GNPDA2: variants seen among roughly 807,000 people sequenced by gnomAD.
The protein encoded by GNPDA2 is glucosamine-6-phosphate deaminase 2, also known as glcN6P deaminase 2.
GNPDA2 carries 24 observed loss-of-function variants against 27.0 expected under a neutral mutation model. That is an observed-to-expected ratio of 0.89 (90% CI 0.64 to 1.25). The LOEUF (loss-of-function observed/expected upper bound fraction) is 1.25, where lower values mean the gene tolerates loss of function less well. GNPDA2 is among the 50% of genes most tolerant of loss of function. The probability of loss-of-function intolerance (pLI) is 0.00; values close to 1 mark genes in which losing one functional copy is unlikely to be tolerated. For missense variants in GNPDA2, 286 were observed against 335.1 expected, an observed-to-expected ratio of 0.85 and a Z score of 1.14; for synonymous variants, 94 against 108.4, an observed-to-expected ratio of 0.87 and a Z score of 0.83.
rs78841427 is a variant in GNPDA2 at position 44,708,433 on chromosome 4, T to G, written c.595-507A>C. 1.8e-3 allele frequency among the ~76,000 whole-genome samples: 276 copies of G among 152,182 alleles called. 2 individuals are homozygous for G. The East Asian group carries it at 0.022, about 12-fold the overall frequency. ...TTCACTGAACATGTGCTATTCAAAG[T>G]TGACTCAGAATAAAAACTGGATTTA... is the stretch of plus-strand genomic sequence containing the variant. On this transcript the variant is annotated intron_variant, in intron 5 of 6. Coordinates refer to ENST00000295448, the MANE Select transcript of GNPDA2 (RefSeq NM_138335.3).
intron 6 of GNPDA2, chr4:44,703,375 C>A: frequency 7.9e-7 from 1 of 1,264,112 alleles, no homozygotes; most frequent in Non-Finnish European, 9.9e-7. Flanking sequence ...AGAATGTGTA[C>A]AGGTACTTTG....
intron 5 of GNPDA2, among the ~76,000 whole-genome samples, chr4:44,708,786 TA>T (rs1716780907): frequency 6.6e-6 from 1 of 152,146 alleles, no homozygotes; most frequent in Non-Finnish European, 1.5e-5. Context: ...GCTGTAGTTC[TA>T]AAATATAACA....
At position 44,711,043 on chromosome 4, in the gene GNPDA2, C is replaced by T. The variant is rs1437568300; in HGVS notation, c.504G>A (p.Leu168=). ...CTCCATCAAAATATTTGGCATTTGCCAAGATGGTATCCATTGCTAGAGTCT... is the reference window on the plus strand; with the variant it reads ...CTCCATCAAAATATTTGGCATTTGCTAAGATGGTATCCATTGCTAGAGTCT... The part of the protein sequence containing the change: ...RLKTLAMDTI[L]ANAKYFDGDL... Residue 168 remains leucine, a synonymous_variant, in exon 5 of 7, where the codon TTG becomes TTA. Coordinates refer to ENST00000295448, the MANE Select transcript of GNPDA2 (RefSeq NM_138335.3). The T allele has an allele frequency of 6.2e-7, 1 of 1,613,372 alleles. No individual in the cohort carries two copies.
chr4:44,726,283 G>T (rs1468677057), intron 1 of GNPDA2, among the ~76,000 whole-genome samples, 191 bp downstream of exon 1: 1 of 152,160 alleles, frequency 6.6e-6, no homozygotes, highest in Non-Finnish European at 1.5e-5. Context: ...ATCCGGAGAG[G>T]ACAACCAGGT....
chr4:44,717,629 T>C (rs888350721), intron 3 of GNPDA2, among the ~76,000 whole-genome samples: 18 of 151,822 alleles, frequency 1.2e-4, no homozygotes, highest in African/African-American at 4.1e-4. Flanking sequence ...ACTATACTCT[T>C]CTCAAACACA....
intron 2 of GNPDA2, among the ~76,000 whole-genome samples, chr4:44,719,734 G>C (rs1401806066): frequency 6.6e-6 from 1 of 151,338 alleles, no homozygotes; most frequent in African/African-American, 2.4e-5. Context: ...TGTCACAATG[G>C]AGGTGACAAA....
chr4:44,711,380 T>C (rs1716969860), intron 4 of GNPDA2, among the ~76,000 whole-genome samples: 1 of 152,110 alleles, frequency 6.6e-6, no homozygotes, highest in Non-Finnish European at 1.5e-5. Flanking sequence ...AATATAACAT[T>C]TGATAATTTA....
At position 44,702,898 on chromosome 4, in the gene GNPDA2, C is replaced by G. The variant is rs1716360651; in HGVS notation, c.*183G>C. The stretch of plus-strand genomic sequence containing the variant: ...AGTCAATCTTGAGAGCCAGCTACTT[C>G]TCTTAAACCCAAGTACAAGATATAA... On this transcript the variant is annotated 3_prime_UTR_variant, in exon 7 of 7. Transcript: ENST00000295448. 1 of 1,417,900 alleles carries G rather than the reference C, an allele frequency of 7.1e-7. No homozygotes were observed. Among genetic ancestry groups the G allele is most frequent in the Admixed American group, 3.3e-5 (1 of 30,514 alleles). The allele number at this position is 1,417,900 out of a possible 1,614,324, so 87.8% of individuals were successfully genotyped here.
Position 44,703,338 on chromosome 4 carries a change from TTTATAA to T in GNPDA2, c.770-202_770-197del, listed in dbSNP as rs1338021907. On this transcript the variant is annotated intron_variant, in intron 6 of 6. Coordinates refer to ENST00000295448, the MANE Select transcript of GNPDA2 (RefSeq NM_138335.3). ...GTTTTATCTACCTAGCAAATACCAA[TTTATAA>T]TTATGTAACAGTGCAGATCTAGAAT... 3 of 1,360,954 alleles carry T rather than the reference TTTATAA, an allele frequency of 2.2e-6. No individual in the cohort carries two copies. In the African/African-American group the frequency reaches 4.5e-5, roughly 20 times the overall value. 84.3% of individuals were successfully genotyped at this position (1,360,954 alleles called of 1,614,324 possible).
Position 44,702,466 on chromosome 4 carries a change from C to T in GNPDA2, c.*615G>A. 1.0e-6 allele frequency: 1 copy of T among 980,394 alleles called. No individual in the cohort carries two copies. Among genetic ancestry groups the T allele is most frequent in the Non-Finnish European group, 1.2e-6 (1 of 825,210 alleles). 60.7% of individuals were successfully genotyped at this position (980,394 alleles called of 1,614,324 possible). ...TAAAAAAGTGCTATAGAAGAAGGTG[C>T]ACAAAAAACATGCACTTACACATAC... On this transcript the variant is annotated 3_prime_UTR_variant, in exon 7 of 7. Transcript: ENST00000295448.
rs1716293931 is a variant in GNPDA2 at position 44,701,976 on chromosome 4, TGCAAAATAA to T, written c.*1096_*1104del. 1 of 984,884 alleles carries T rather than the reference TGCAAAATAA, an allele frequency of 1.0e-6. No homozygotes were observed. Among genetic ancestry groups the T allele is most frequent in the Non-Finnish European group, 1.2e-6 (1 of 829,502 alleles). The allele number at this position is 984,884 out of a possible 1,614,324, so 61.0% of individuals were successfully genotyped here. Reference sequence around the variant, plus strand: ...TCTTCTACCAGGTGGGCTTATGAAATGCAAAATAAGCAAAAGGAGCATTTTTTTGCTCCC... The same window carrying T: ...TCTTCTACCAGGTGGGCTTATGAAATGCAAAAGGAGCATTTTTTTGCTCCC... On this transcript the variant is annotated 3_prime_UTR_variant, in exon 7 of 7. Transcript: ENST00000295448.
intron 5 of GNPDA2, among the ~76,000 whole-genome samples, chr4:44,709,521 A>G (rs1004958796): frequency 6.6e-6 from 1 of 152,122 alleles, no homozygotes; most frequent in African/African-American, 2.4e-5. Context: ...TATGTACACT[A>G]ATGTTTGACA....
chr4:44,717,810 C>T (rs2109714870), intron 3 of GNPDA2, among the ~76,000 whole-genome samples: 1 of 151,950 alleles, frequency 6.6e-6, no homozygotes, highest in East Asian at 1.9e-4. Context: ...ATACACATTT[C>T]TATATTTAAA....
At position 44,717,291 on chromosome 4, in the gene GNPDA2, A is replaced by G. The variant is rs1040670504; in HGVS notation, c.231T>C (p.Leu77=). ...KTFNMDEYVG[L]PRNHPESYHS... ...GGTAGCTTTCAGGATGATTTCTTGG[A>G]AGTCCTAAAGATGAAGTTAATAAAA... The change falls in exon 4 of 7, where the codon CTT becomes CTC. Residue 77 remains leucine (L), a synonymous_variant. Transcript: ENST00000295448. The G allele has an allele frequency of 2.1e-6, 3 of 1,462,792 alleles. No homozygotes were observed. Among genetic ancestry groups the G allele is most frequent in the Non-Finnish European group, 2.8e-6 (3 of 1,081,050 alleles). 90.6% of individuals were successfully genotyped at this position (1,462,792 alleles called of 1,614,324 possible).
At position 44,702,883 on chromosome 4, in the gene GNPDA2, G is replaced by A. The variant is rs1172376120; in HGVS notation, c.*198C>T. ...TTATAATAAATAGCCAGTCAATCTT[G>A]AGAGCCAGCTACTTCTCTTAAACCC... On this transcript the variant is annotated 3_prime_UTR_variant, in exon 7 of 7. Transcript: ENST00000295448. 3.1e-5 allele frequency: 43 copies of A among 1,401,486 alleles called. No individual in the cohort carries two copies. Among genetic ancestry groups the A allele is most frequent in the Non-Finnish European group, 4.0e-5 (43 of 1,086,906 alleles). The allele number at this position is 1,401,486 out of a possible 1,614,324, so 86.8% of individuals were successfully genotyped here.
intron 6 of GNPDA2, chr4:44,705,394 A>C: frequency 1.0e-6 from 1 of 984,822 alleles, no homozygotes; most frequent in Non-Finnish European, 1.2e-6. Flanking sequence ...GTATCCTAAC[A>C]GGCTGATACC....
At position 44,702,920 on chromosome 4, in the gene GNPDA2, A is replaced by G. The variant is rs927335704; in HGVS notation, c.*161T>C. 17 of 1,458,778 alleles carry G rather than the reference A, an allele frequency of 1.2e-5. No homozygotes were observed. In the African/African-American group the frequency reaches 2.2e-4, roughly 19 times the overall value. 90.4% of individuals were successfully genotyped at this position (1,458,778 alleles called of 1,614,324 possible). On this transcript the variant is annotated 3_prime_UTR_variant, in exon 7 of 7. Coordinates refer to ENST00000295448, the MANE Select transcript of GNPDA2 (RefSeq NM_138335.3). ...CTTCTCTTAAACCCAAGTACAAGATATAAATATTCAAAATATGGAATGTTT... is the reference window on the plus strand; with the variant it reads ...CTTCTCTTAAACCCAAGTACAAGATGTAAATATTCAAAATATGGAATGTTT...
chr4:44,718,428 T>G lies in GNPDA2; in HGVS notation c.125-18A>C, dbSNP rs530234255. ...TGTACTCCCTAAAAGACATAAAAATTCCATTTTCTAAAATGACTTAATAAT... is the reference window on the plus strand; with the variant it reads ...TGTACTCCCTAAAAGACATAAAAATGCCATTTTCTAAAATGACTTAATAAT... On this transcript the variant is annotated intron_variant, in intron 2 of 6. Transcript: ENST00000295448. 2.1e-6 allele frequency: 2 copies of G among 942,258 alleles called. No individual in the cohort carries two copies. The highest frequency in any genetic ancestry group is 5.6e-5 in the East Asian group (2 of 35,480). 58.4% of individuals were successfully genotyped at this position (942,258 alleles called of 1,614,324 possible).
intron 4 of GNPDA2, among the ~76,000 whole-genome samples, chr4:44,711,449 T>C (rs1176670119): frequency 6.6e-6 from 1 of 152,156 alleles, no homozygotes; most frequent in East Asian, 1.9e-4. Context: ...AATAATCTTA[T>C]GAGATGGCCA....
Sources: gnomAD v4.1 joint callset for allele counts (sites outside exome capture counted in the v4.1 genomes callset) on GRCh38, gnomAD v4.1.1 for gene constraint, MANE v1.5 for transcripts, NCBI Gene and HGNC (gene_info 2026-07-23, HGNC 2026-07-21) for gene names.